BRF2: variants seen among roughly 807,000 people sequenced by gnomAD.
BRF2 encodes BRF2 general transcription factor IIIB subunit.
Under a neutral mutation model 26.6 loss-of-function variants are expected in BRF2, and 17 were observed. That is an observed-to-expected ratio of 0.64 (90% CI 0.44 to 0.96). The LOEUF is 0.96. BRF2 is among the 40% of genes least tolerant of loss of function. BRF2 has a pLI of 0.00. For synonymous variants in BRF2, 219 were observed against 226.6 expected (o/e 0.97, Z 0.30); for missense variants, 515 against 537.0 (o/e 0.96, Z 0.40).
At chr8:37,848,779 G>T (rs1806011576) in intron 1 of BRF2, 124 bp from the exon 2 acceptor site, 6 of 764,746 alleles carry the variant, frequency 7.8e-6, no homozygotes, top group South Asian at 4.4e-5. Context: ...ACAGTTAAAG[G>T]CCCCATCTGG....
At chr8:37,848,986 G>A (rs1806015129) in intron 1 of BRF2, among the ~76,000 whole-genome samples, 1 of 152,192 alleles carries the variant, frequency 6.6e-6, no homozygotes, top group African/African-American at 2.4e-5. Context: ...ACAGTGGTGC[G>A]ATCACAGCTC....
At chr8:37,846,290 G>A (rs1248985385) in intron 3 of BRF2, among the ~76,000 whole-genome samples, 2 of 152,046 alleles carry the variant, frequency 1.3e-5, no homozygotes, top group Non-Finnish European at 2.9e-5. Context: ...GGAGGTTGCC[G>A]TGAGCCGAAA....
In BRF2 at chr8:37,843,510, A is replaced by T. The variant is rs918803809; in HGVS notation, c.*980T>A. 1.3e-5 allele frequency: 2 copies of T among 152,188 alleles called. No individual in the cohort carries two copies. Among genetic ancestry groups the T allele is most frequent in the African/African-American group, 4.8e-5 (2 of 41,422 alleles). 9.4% of individuals were successfully genotyped at this position (152,188 alleles called of 1,614,324 possible). On this transcript the variant is annotated 3_prime_UTR_variant, in exon 4 of 4. Transcript: ENST00000220659. Reference sequence around the variant, plus strand: ...AACACCAGCACCCGTCTTTTCCCCAACCTAAAACCAACCACCAGCATTTCA... The same window carrying T: ...AACACCAGCACCCGTCTTTTCCCCATCCTAAAACCAACCACCAGCATTTCA...
chr8:37,849,474 G>GC (rs1385899945), intron 1 of BRF2, among the ~76,000 whole-genome samples, 156 bp downstream of exon 1: 3 of 152,196 alleles, frequency 2.0e-5, no homozygotes, highest in Non-Finnish European at 4.4e-5. Context: ...ATGAATGGCA[G>GC]CCCCCATCTC....
intron 1 of BRF2, among the ~76,000 whole-genome samples, chr8:37,849,013 T>G (rs1165607238): frequency 6.6e-5 from 10 of 152,182 alleles, no homozygotes; most frequent in Non-Finnish European, 2.9e-5. Flanking sequence ...GCCTTCAACT[T>G]CCAGGCTCAA....
In BRF2 at chr8:37,846,872, A is replaced by C. The variant is rs2130091445; in HGVS notation, c.518T>G (p.Val173Gly). Residue 173 changes from valine (V) to glycine (G), a missense_variant, in exon 3 of 4, where the codon GTG becomes GGG. Coordinates refer to ENST00000220659, the MANE Select transcript of BRF2 (RefSeq NM_018310.4). Reference sequence around the variant, plus strand: ...GACGTACCTGCTGCAATAGGTCTTCACCAGTTCTGCCAAGCACAGAGATGG... The same window carrying C: ...GACGTACCTGCTGCAATAGGTCTTCCCCAGTTCTGCCAAGCACAGAGATGG... ...DVPSLCLAEL[V>G]KTYCSSFKLF... 1 of 1,613,628 alleles carries C rather than the reference A, an allele frequency of 6.2e-7. No homozygotes were observed.
At chr8:37,846,760 T>G (rs1301281279) in intron 3 of BRF2, 94 bp downstream of exon 3, 1 of 907,564 alleles carries the variant, frequency 1.1e-6, no homozygotes, top group African/African-American at 1.7e-5. Context: ...AGAGCAAGAC[T>G]CCAAGAAAAA....
chr8:37,844,627 CAGG>C lies in BRF2; in HGVS notation c.1120_1122del (p.Pro374del). 1.2e-6 allele frequency: 2 copies of C among 1,614,120 alleles called. No individual in the cohort carries two copies. Among genetic ancestry groups the C allele is most frequent in the Non-Finnish European group, 1.7e-6 (2 of 1,180,020 alleles). ...TTCTCATCTCCAGTGACAGTGGAGA[CAGG>C]GGGTACAGGGCAGATCCGCTTCGGG... On this transcript the variant is annotated inframe_deletion, in exon 4 of 4. Transcript: ENST00000220659.
At position 37,844,965 on chromosome 8, in the gene BRF2, G is replaced by A. The variant is rs374484866; in HGVS notation, c.785C>T (p.Ala262Val). Residue 262 changes from alanine to valine, a missense_variant, in exon 4 of 4, where the codon GCG (alanine) becomes GTG (valine). Transcript: ENST00000220659. ...KLANVDLPYP[A>V]SSRLQELLAV... is the part of the protein sequence containing the mutation. ...CAGCAGCTCCTGCAGGCGGGAGGACGCCGGGTAGGGCAGGTCCACATTTGC... is the reference window on the plus strand; with the variant it reads ...CAGCAGCTCCTGCAGGCGGGAGGACACCGGGTAGGGCAGGTCCACATTTGC... 101 of 1,613,932 alleles carry A rather than the reference G, an allele frequency of 6.3e-5. No homozygotes were observed. The highest frequency in any genetic ancestry group is 1.2e-4 in the African/African-American group (9 of 74,940).
In BRF2 at chr8:37,845,133, T is replaced by G. The variant is rs763860893; in HGVS notation, c.617A>C (p.Gln206Pro). 1 of 1,613,698 alleles carries G rather than the reference T, an allele frequency of 6.2e-7. No individual in the cohort carries two copies. Among genetic ancestry groups the G allele is most frequent in the Non-Finnish European group, 8.5e-7 (1 of 1,179,922 alleles). Reference sequence around the variant, plus strand: ...CGTCTCATTTGCCAGCTCCACCAACTGCATTGTTCGAGACAGCATCTTCTC... The same window carrying G: ...CGTCTCATTTGCCAGCTCCACCAACGGCATTGTTCGAGACAGCATCTTCTC... Reference protein sequence around the residue: ...DKEKMLSRTMQLVELANETWL... With the variant: ...DKEKMLSRTMPLVELANETWL... The change falls in exon 4 of 4, where the codon CAG becomes CCG. Residue 206 changes from glutamine (Q) to proline (P), a missense_variant. Coordinates refer to ENST00000220659, the MANE Select transcript of BRF2 (RefSeq NM_018310.4).
intron 1 of BRF2, 78 bp downstream of exon 1, chr8:37,849,552 A>AT: frequency 8.4e-7 from 1 of 1,184,082 alleles, no homozygotes; most frequent in Non-Finnish European, 1.2e-6. Context: ...AGTTAGGAGT[A>AT]TGGGGGGAGC....
At chr8:37,846,286 T>A (rs1322112947) in intron 3 of BRF2, among the ~76,000 whole-genome samples, 2 of 151,558 alleles carry the variant, frequency 1.3e-5, no homozygotes, top group Non-Finnish European at 2.9e-5. Flanking sequence ...AGGTGGAGGT[T>A]GCCGTGAGCC....
At position 37,844,506 on chromosome 8, in the gene BRF2, A is replaced by T; in HGVS notation, c.1244T>A (p.Val415Asp). The change falls in exon 4 of 4, where the codon GTC becomes GAC. Residue 415 changes from valine to aspartate, a missense_variant. Val to Asp is a radical substitution (Grantham distance 152). Coordinates refer to ENST00000220659, the MANE Select transcript of BRF2 (RefSeq NM_018310.4). ...GGATATCCATCAGGGAGGGTTAGGGACACTCGTGGCAGCCTGTCTAGCAGC... is the reference window on the plus strand; with the variant it reads ...GGATATCCATCAGGGAGGGTTAGGGTCACTCGTGGCAGCCTGTCTAGCAGC... ...AQAARQAATS[V>D]PNPP The T allele has an allele frequency of 6.2e-7, 1 of 1,613,088 alleles. No individual in the cohort carries two copies. The highest frequency in any genetic ancestry group is 1.1e-5 in the South Asian group (1 of 91,002).
At position 37,845,030 on chromosome 8, in the gene BRF2, T is replaced by C. The variant is rs1460747183; in HGVS notation, c.720A>G (p.Ala240=). The C allele has an allele frequency of 6.2e-7, 1 of 1,613,946 alleles. No homozygotes were observed. ...GGGCAAGGGAACATGAAAGCCGATC[T>C]GCAGGCTGCAGCGACTGCCAAGCCA... The part of the protein sequence containing the change: ...TFLAWQSLQP[A]DRLSCSLARF... Residue 240 remains alanine (A), a synonymous_variant, in exon 4 of 4, where the codon GCA becomes GCG. Coordinates refer to ENST00000220659, the MANE Select transcript of BRF2 (RefSeq NM_018310.4).
intron 3 of BRF2, chr8:37,845,573 G>C (rs1373568157): frequency 3.2e-6 from 2 of 632,992 alleles, no homozygotes; most frequent in African/African-American, 3.7e-5. Flanking sequence ...TCAAATACAA[G>C]GCTATTTGAC....
In BRF2 at chr8:37,844,839, C is replaced by T. The variant is rs751876923; in HGVS notation, c.911G>A (p.Arg304His). 8 of 1,614,064 alleles carry T rather than the reference C, an allele frequency of 5.0e-6. No individual in the cohort carries two copies. The highest frequency in any genetic ancestry group is 1.6e-4 in the Middle Eastern group (1 of 6,084). ...AAAGGCAGAGCGGACCAGTGACTGGCGGTGCTGGAGAAGGTCACCGATGTG... is the reference window on the plus strand; with the variant it reads ...AAAGGCAGAGCGGACCAGTGACTGGTGGTGCTGGAGAAGGTCACCGATGTG... ...VKHIGDLLQH[R>H]QSLVRSAFRD... Residue 304 changes from arginine (R) to histidine (H), a missense_variant, in exon 4 of 4, where the codon CGC becomes CAC. Arg to His is a conservative substitution (Grantham distance 29, BLOSUM62 0). Coordinates refer to ENST00000220659, the MANE Select transcript of BRF2 (RefSeq NM_018310.4).
intron 1 of BRF2, 31 bp downstream of exon 1, chr8:37,849,599 C>G: frequency 6.3e-7 from 1 of 1,579,184 alleles, no homozygotes; most frequent in Non-Finnish European, 8.7e-7. Context: ...ATCCCTCCAC[C>G]GCCCCAGGCT....
Position 37,844,687 on chromosome 8 carries a change from C to T in BRF2, c.1063G>A (p.Ala355Thr). 1 of 1,614,116 alleles carries T rather than the reference C, an allele frequency of 6.2e-7. No individual in the cohort carries two copies. Among genetic ancestry groups the T allele is most frequent in the South Asian group, 1.1e-5 (1 of 91,074 alleles). ...AACATGCAGGGTGGCAAGAGAAGGG[C>T]AGGACTGGCCGGCCGCTTCCCCTGG... The part of the protein sequence containing the change: ...LPQGKRPASP[A>T]LLLPPCMLKS... The change falls in exon 4 of 4, where the codon GCC becomes ACC. Residue 355 changes from alanine (A) to threonine (T), a missense_variant. Transcript: ENST00000220659.
At chr8:37,845,630 A>G in intron 3 of BRF2, 1 of 685,340 alleles carries the variant, frequency 1.5e-6, no homozygotes, top group East Asian at 2.7e-5. Flanking sequence ...AAAAGAAAAG[A>G]ACATAGCTAC....
Sources: allele counts gnomAD v4.1 joint callset (sites outside exome capture counted in the v4.1 genomes callset), GRCh38; gene constraint gnomAD v4.1.1; transcripts MANE v1.5; gene names NCBI Gene and HGNC (gene_info 2026-07-23, HGNC 2026-07-21).